Variants in DPP6 observed in about 807,000 individuals in gnomAD.
DPP6 encodes A-type potassium channel modulatory protein DPP6.
A neutral mutation model predicts 122.6 loss-of-function variants in DPP6; 69 were observed. The observed-to-expected ratio is 0.56, with a 90% CI of 0.46 to 0.69. The LOEUF (loss-of-function observed/expected upper bound fraction) is 0.69. Ranked by LOEUF, DPP6 falls within the 30% of genes least tolerant of loss-of-function variation. The pLI is 0.00. For synonymous variants in DPP6, 418 were observed against 433.1 expected (o/e 0.97, Z 0.43); for missense variants, 928 against 1,116.9 (o/e 0.83, Z 2.41).
At chr7:154,222,274 A>G (rs1408807829) in intron 1 of DPP6, among the ~76,000 whole-genome samples, 2 of 152,122 alleles carry the variant, frequency 1.3e-5, no homozygotes, top group Admixed American at 6.6e-5. Context: ...TGCTTTCTCT[A>G]ACTCCACAGC....
intron 16 of DPP6, among the ~76,000 whole-genome samples, chr7:154,824,897 C>G (rs1800041611): frequency 6.6e-6 from 1 of 152,194 alleles, no homozygotes; most frequent in Admixed American, 6.5e-5. Context: ...CCCCCGGTCT[C>G]TGACAGGAAC....
intron 1 of DPP6, among the ~76,000 whole-genome samples, chr7:154,294,816 C>T (rs1256450773): frequency 1.3e-5 from 2 of 152,214 alleles, no homozygotes; most frequent in Non-Finnish European, 2.9e-5. Context: ...GCATCACCCA[C>T]CCTGGTGTGT....
At chr7:154,498,543 G>T (rs1340159319) in intron 3 of DPP6, among the ~76,000 whole-genome samples, 1 of 152,032 alleles carries the variant, frequency 6.6e-6, no homozygotes, top group African/African-American at 2.4e-5. Flanking sequence ...TCACCATGTT[G>T]GCCAGGCTGG....
chr7:154,344,882 C>T (rs1810263214), intron 1 of DPP6, among the ~76,000 whole-genome samples: 1 of 152,050 alleles, frequency 6.6e-6, no homozygotes. Flanking sequence ...AGTGAAACTC[C>T]ATCTCAACAA....
At chr7:154,154,876 G>A (rs1796605124) in intron 1 of DPP6, among the ~76,000 whole-genome samples, 1 of 152,214 alleles carries the variant, frequency 6.6e-6, no homozygotes, top group Non-Finnish European at 1.5e-5. Flanking sequence ...TGTGGCTCAG[G>A]CCCTCTGCAG....
intron 1 of DPP6, among the ~76,000 whole-genome samples, chr7:154,180,556 TAGAG>T (rs886738936): frequency 1.3e-4 from 17 of 128,620 alleles, no homozygotes; most frequent in Non-Finnish European, 2.7e-4. Flanking sequence ...CGTATATATT[TAGAG>T]AGAATATATA....
chr7:154,474,879 G>A lies in DPP6; in HGVS notation c.359-60G>A, dbSNP rs548744762. On this transcript the variant is annotated intron_variant, in intron 2 of 25. Coordinates refer to ENST00000377770, the MANE Select transcript of DPP6 (RefSeq NM_130797.4). ...ATAAATGACAATCAGAATGTTTATG[G>A]TCCTCTCATTTTACTAATTATGAAA... The A allele has an allele frequency of 3.7e-4, 481 of 1,287,868 alleles. 2 individuals are homozygous for A. Among genetic ancestry groups the A allele is most frequent in the Admixed American group, 1.2e-3 (71 of 58,118 alleles). 79.8% of individuals were successfully genotyped at this position (1,287,868 alleles called of 1,614,324 possible).
intron 5 of DPP6, among the ~76,000 whole-genome samples, chr7:154,634,014 T>C (rs1243292265): frequency 6.6e-6 from 1 of 151,684 alleles, no homozygotes; most frequent in African/African-American, 2.4e-5. Context: ...TTTTTTTCTT[T>C]TTTTTTTTTA....
intron 1 of DPP6, among the ~76,000 whole-genome samples, chr7:154,103,401 A>G (rs1805897964): frequency 6.6e-6 from 1 of 152,140 alleles, no homozygotes; most frequent in South Asian, 2.1e-4. Flanking sequence ...TGAGTATAGG[A>G]GGGGAAATTA....
intron 1 of DPP6, among the ~76,000 whole-genome samples, chr7:154,160,429 T>C (rs1192258291): frequency 6.6e-6 from 1 of 152,212 alleles, no homozygotes; most frequent in Non-Finnish European, 1.5e-5. Flanking sequence ...GAAAGTAAAT[T>C]ATTTTCCCCT....
chr7:154,211,239 T>C (rs924443799), intron 1 of DPP6, among the ~76,000 whole-genome samples: 11 of 152,060 alleles, frequency 7.2e-5, no homozygotes, highest in African/African-American at 2.7e-4. Flanking sequence ...GTGGGATGGC[T>C]GGAGGAGGGA....
intron 3 of DPP6, among the ~76,000 whole-genome samples, chr7:154,511,562 C>G (rs544202499): frequency 6.6e-6 from 1 of 152,220 alleles, no homozygotes; most frequent in South Asian, 2.1e-4. Flanking sequence ...TAGAAATTTG[C>G]AAGCAAATGA....
chr7:154,571,016 C>A (rs190410417), intron 5 of DPP6, among the ~76,000 whole-genome samples: 1 of 152,316 alleles, frequency 6.6e-6, no homozygotes, highest in East Asian at 1.9e-4. Context: ...CTCAAAAGAT[C>A]ATTCCTGCTC....
In DPP6 at chr7:154,733,356, G is replaced by A. The variant is rs142447271; in HGVS notation, c.883+5469G>A. Among the ~76,000 whole-genome samples the A allele has an allele frequency of 6.2e-4, 95 of 152,368 alleles. 1 individual carries two copies. The highest frequency in any genetic ancestry group is 1.1e-3 in the Non-Finnish European group (76 of 68,036). ...TAGGGCCCTCAGTCCTGCTGGATGA[G>A]CACCAAACCCTGGTGGTGTGACCAT... On this transcript the variant is annotated intron_variant, in intron 8 of 25. Coordinates refer to ENST00000377770, the MANE Select transcript of DPP6 (RefSeq NM_130797.4).
intron 1 of DPP6, among the ~76,000 whole-genome samples, chr7:154,122,089 G>A (rs1383172257): frequency 6.6e-6 from 1 of 152,162 alleles, no homozygotes; most frequent in African/African-American, 2.4e-5. Context: ...GTAAAGCTAA[G>A]GAAGGACACA....
intron 2 of DPP6, among the ~76,000 whole-genome samples, chr7:154,461,917 TAC>T (rs1383720214): frequency 6.6e-6 from 1 of 152,226 alleles, no homozygotes; most frequent in East Asian, 1.9e-4. Flanking sequence ...AATAGGGTAT[TAC>T]TCAAGAAATT....
chr7:154,511,663 C>G (rs1826100544), intron 3 of DPP6, among the ~76,000 whole-genome samples: 1 of 152,174 alleles, frequency 6.6e-6, no homozygotes, highest in African/African-American at 2.4e-5. Context: ...TGGCAAAATT[C>G]TAGAGCCATT....
intron 1 of DPP6, among the ~76,000 whole-genome samples, chr7:154,244,951 CTTT>C (rs745446498): frequency 1.3e-4 from 17 of 133,172 alleles, no homozygotes; most frequent in Admixed American, 2.3e-4. Context: ...TCTAAAGGGA[CTTT>C]TTTTTTTTTT....
At chr7:154,228,650 G>T (rs1800745482) in intron 1 of DPP6, among the ~76,000 whole-genome samples, 1 of 151,988 alleles carries the variant, frequency 6.6e-6, no homozygotes, top group African/African-American at 2.4e-5. Flanking sequence ...ATCTGAATTA[G>T]CATTAAAAAT....
Sources: allele counts gnomAD v4.1 joint callset (sites outside exome capture counted in the v4.1 genomes callset), GRCh38; gene constraint gnomAD v4.1.1; transcripts MANE v1.5; gene names NCBI Gene and HGNC (gene_info 2026-07-23, HGNC 2026-07-21).